DLG2: variants seen among roughly 807,000 people sequenced by gnomAD.
The protein encoded by DLG2 is disks large homolog 2.
In DLG2, 45 loss-of-function variants were observed where a neutral mutation model predicts 132.5. That is an observed-to-expected ratio of 0.34 (90% CI 0.27 to 0.44). The LOEUF (loss-of-function observed/expected upper bound fraction) is 0.44. Among genes scored for constraint, DLG2 ranks in the 20% least tolerant of loss-of-function variants. The pLI is 1.00. For synonymous variants in DLG2, 424 were observed against 419.6 expected (o/e 1.01, Z -0.13); for missense variants, 1,045 against 1,196.9 (o/e 0.87, Z 1.87).
At chr11:83,827,935 C>T (rs1397380410) in intron 17 of DLG2, among the ~76,000 whole-genome samples, 6 of 152,072 alleles carry the variant, frequency 3.9e-5, no homozygotes, top group Non-Finnish European at 8.8e-5. Flanking sequence ...AAATAGAATA[C>T]ATAAAAGAGA....
chr11:84,175,118 G>A (rs2095923721), intron 8 of DLG2, among the ~76,000 whole-genome samples: 1 of 152,142 alleles, frequency 6.6e-6, no homozygotes, highest in Non-Finnish European at 1.5e-5. Flanking sequence ...TGCCTATAGG[G>A]ATGGAGAAAG....
At chr11:85,266,616 A>C (rs1167861029) in intron 4 of DLG2, among the ~76,000 whole-genome samples, 4 of 152,230 alleles carry the variant, frequency 2.6e-5, no homozygotes, top group Admixed American at 2.6e-4. Context: ...AATTTAAAAA[A>C]AAAGAAAGAA....
chr11:84,668,839 C>T (rs558550227), intron 6 of DLG2, among the ~76,000 whole-genome samples: 17 of 152,054 alleles, frequency 1.1e-4, no homozygotes, highest in South Asian at 6.2e-4. Context: ...CATTTTCATG[C>T]GAAGAAGACA....
At chr11:84,534,529 A>G (rs1216373919) in intron 7 of DLG2, 41 bp downstream of exon 7, 10 of 1,594,816 alleles carry the variant, frequency 6.3e-6, no homozygotes, top group Non-Finnish European at 8.6e-6. Flanking sequence ...AAGACCAACT[A>G]CTGTCACCAA....
At chr11:84,353,225 T>C (rs1260059208) in intron 7 of DLG2, among the ~76,000 whole-genome samples, 1 of 152,174 alleles carries the variant, frequency 6.6e-6, no homozygotes, top group African/African-American at 2.4e-5. Flanking sequence ...ATATCTACAA[T>C]ACCTAAATCC....
intron 6 of DLG2, among the ~76,000 whole-genome samples, chr11:84,553,297 C>T (rs1318859242): frequency 6.6e-6 from 1 of 152,162 alleles, no homozygotes. Flanking sequence ...GTCACTGATG[C>T]ACTGTAATAG....
chr11:83,604,619 G>A (rs577514635), intron 19 of DLG2, among the ~76,000 whole-genome samples: 1 of 152,208 alleles, frequency 6.6e-6, no homozygotes, highest in South Asian at 2.1e-4. Flanking sequence ...TCAATACCAA[G>A]AGAAAAACCT....
At chr11:85,173,572 G>C (rs889898198) in intron 4 of DLG2, among the ~76,000 whole-genome samples, 1 of 152,070 alleles carries the variant, frequency 6.6e-6, no homozygotes, top group Admixed American at 6.6e-5. Context: ...ACATAAACAA[G>C]TCTGCTAAGT....
intron 6 of DLG2, among the ~76,000 whole-genome samples, chr11:84,856,319 T>A (rs935662863): frequency 2.6e-5 from 4 of 152,088 alleles, no homozygotes; most frequent in African/African-American, 7.2e-5. Flanking sequence ...GGGAAAGCTA[T>A]TGGGAAATAA....
At chr11:83,725,338 T>C (rs2089794982) in intron 18 of DLG2, 1 of 167,540 alleles carries the variant, frequency 6.0e-6, no homozygotes, top group African/African-American at 2.4e-5. Flanking sequence ...TCTGAAGTGG[T>C]AGTCTGGTAT....
chr11:83,544,879 T>C (rs576529297), intron 19 of DLG2, among the ~76,000 whole-genome samples: 1 of 152,292 alleles, frequency 6.6e-6, no homozygotes, highest in East Asian at 1.9e-4. Flanking sequence ...ATTATGTGGC[T>C]CAATTTCCCC....
At chr11:83,924,154 G>T (rs552964938) in intron 15 of DLG2, among the ~76,000 whole-genome samples, 2 of 152,156 alleles carry the variant, frequency 1.3e-5, no homozygotes, top group Admixed American at 1.3e-4. Flanking sequence ...AAAAACAAGG[G>T]CAGAGTTAGG....
At chr11:84,631,028 A>T (rs967236740) in intron 6 of DLG2, among the ~76,000 whole-genome samples, 5,931 of 126,856 alleles carry the variant, frequency 0.047, 111 homozygotes, top group Non-Finnish European at 0.06. Context: ...TCACACACAC[A>T]CACACACACA....
intron 7 of DLG2, among the ~76,000 whole-genome samples, chr11:84,386,189 G>A (rs1382735336): frequency 1.3e-5 from 2 of 151,868 alleles, no homozygotes; most frequent in African/African-American, 4.8e-5. Flanking sequence ...ACTCCTCTGG[G>A]AATTGTCCTT....
At chr11:84,633,079 G>A (rs1279818507) in intron 6 of DLG2, among the ~76,000 whole-genome samples, 1 of 152,150 alleles carries the variant, frequency 6.6e-6, no homozygotes, top group African/African-American at 2.4e-5. Flanking sequence ...ATAAAATGAT[G>A]TTTATGATCC....
At chr11:85,091,163 C>T (rs558244380) in intron 6 of DLG2, among the ~76,000 whole-genome samples, 5 of 152,104 alleles carry the variant, frequency 3.3e-5, no homozygotes, top group African/African-American at 4.8e-5. Context: ...ATGAGGTTTG[C>T]GGGAGATAAA....
chr11:84,363,368 T>C (rs2098662408), intron 7 of DLG2, among the ~76,000 whole-genome samples: 1 of 151,896 alleles, frequency 6.6e-6, no homozygotes, highest in Admixed American at 6.6e-5. Context: ...TTGGTTTTTT[T>C]CTTGTAAATT....
At chr11:84,041,647 A>T (rs1426368547) in intron 11 of DLG2, among the ~76,000 whole-genome samples, 3 of 151,954 alleles carry the variant, frequency 2.0e-5, no homozygotes, top group Non-Finnish European at 2.9e-5. Context: ...TAATGAATAG[A>T]ATTTCCTAAT....
intron 19 of DLG2, among the ~76,000 whole-genome samples, chr11:83,564,383 C>G (rs1002805589): frequency 2.6e-5 from 4 of 152,172 alleles, no homozygotes; most frequent in Admixed American, 6.5e-5. Flanking sequence ...GCCTCTGTCC[C>G]TGACTAGCTC....
Sources: allele counts gnomAD v4.1 joint callset (sites outside exome capture counted in the v4.1 genomes callset), GRCh38; gene constraint gnomAD v4.1.1; transcripts MANE v1.5; gene names NCBI Gene and HGNC (gene_info 2026-07-23, HGNC 2026-07-21).